The following CPZ variants were observed in gnomAD, a reference collection of about 807,000 sequenced individuals.
The protein encoded by CPZ is VEZT/CPZ fusion.
In CPZ, 103 loss-of-function variants were observed where a neutral mutation model predicts 61.8. The observed-to-expected ratio is 1.67, with a 90% confidence interval of 1.42 to 1.96. The LOEUF (loss-of-function observed/expected upper bound fraction) is 1.96, where lower values mean the gene tolerates loss of function less well. Ranked by LOEUF, CPZ falls within the 30% of genes most tolerant of loss-of-function variation. The pLI, the probability that CPZ is intolerant of heterozygous loss-of-function variation, is 0.00. For synonymous variants in CPZ, 551 were observed against 373.7 expected (o/e 1.47, Z -5.47); for missense variants, 1,461 against 914.9 (o/e 1.60, Z -7.70).
chr4:8,616,995 GCA>G (rs996210734), intron 9 of CPZ, among the ~76,000 whole-genome samples: 2 of 152,164 alleles, frequency 1.3e-5, no homozygotes, highest in African/African-American at 2.4e-5. Context: ...GATCCCTGTG[GCA>G]CAGAGATAAG....
chr4:8,605,478 C>T (rs1002287560), intron 4 of CPZ, among the ~76,000 whole-genome samples: 1 of 151,872 alleles, frequency 6.6e-6, no homozygotes, highest in Admixed American at 6.6e-5. Context: ...ATTCATGCAT[C>T]AATTTATCCA....
chr4:8,609,303 A>C (rs890765074), intron 7 of CPZ, among the ~76,000 whole-genome samples: 17 of 129,816 alleles, frequency 1.3e-4, no homozygotes, highest in South Asian at 2.6e-4. Context: ...TCATTCATCC[A>C]TTCACTCATG....
Position 8,607,256 on chromosome 4 carries a change from G to C in CPZ, c.1069-11G>C. The C allele has an allele frequency of 6.2e-7, 1 of 1,613,836 alleles. No homozygotes were observed. The highest frequency in any genetic ancestry group is 8.5e-7 in the Non-Finnish European group (1 of 1,179,844). On this transcript the variant is annotated splice_polypyrimidine_tract_variant and intron_variant, in intron 6 of 10. Coordinates refer to ENST00000360986, the MANE Select transcript of CPZ (RefSeq NM_001014447.3). The stretch of plus-strand genomic sequence containing the variant: ...CCCAGCCCTGAGGGCGGCCTCGTCT[G>C]TCCTGGGCAGGTGGCCCCGGAGACA...
chr4:8,618,094 CAGGGAAGGA>C, intron 9 of CPZ: 1 of 319,498 alleles, frequency 3.1e-6, no homozygotes, highest in South Asian at 3.3e-5. Flanking sequence ...GCTGGGAAGG[CAGGGAAGGA>C]ATGCCGATCA....
intron 1 of CPZ, among the ~76,000 whole-genome samples, chr4:8,593,220 G>T (rs943213373): frequency 1.3e-5 from 2 of 152,216 alleles, no homozygotes; most frequent in Non-Finnish European, 2.9e-5. Context: ...AGCAGCAGGG[G>T]CGCCCTGCAG....
In CPZ at chr4:8,601,215, G is replaced by A. The variant is rs1349624583; in HGVS notation, c.214G>A (p.Val72Met). 2.5e-6 allele frequency: 4 copies of A among 1,613,280 alleles called. No individual in the cohort carries two copies. In the African/African-American group the frequency reaches 4.0e-5, roughly 16 times the overall value. ...CCTGCTTCAGCACCGGTCGTGGGAG[G>A]TGGTGGAGGCCAGCTCCGAGTACAT... ...PNLLQHRSWE[V>M]VEASSEYILL... Residue 72 changes from valine to methionine, a missense_variant, in exon 3 of 11, where the codon GTG becomes ATG. Coordinates refer to ENST00000360986, the MANE Select transcript of CPZ (RefSeq NM_001014447.3).
chr4:8,592,888 C>G lies in CPZ; in HGVS notation c.55C>G (p.Arg19Gly). ...TACAGTCCTGGTCGTCGCCGCTGCC[C>G]GGCCGGGGTGCGAGTTTGAGCGGAA... ...LLTVLVVAAA[R>G]PGCEFERNPA... Residue 19 changes from arginine to glycine, a missense_variant, in exon 1 of 11, where the codon CGG becomes GGG. By Grantham distance (125) the Arg-to-Gly change is moderately radical. Coordinates refer to ENST00000360986, the MANE Select transcript of CPZ (RefSeq NM_001014447.3). 6.5e-7 allele frequency: 1 copy of G among 1,534,572 alleles called. No homozygotes were observed. Among genetic ancestry groups the G allele is most frequent in the Non-Finnish European group, 8.7e-7 (1 of 1,144,100 alleles).
chr4:8,607,193 G>A (rs1276544401), intron 6 of CPZ, 74 bp from the exon 7 acceptor site: 3 of 1,519,334 alleles, frequency 2.0e-6, no homozygotes, highest in East Asian at 2.3e-5. Context: ...CCAGAGGGCT[G>A]CTGAAGCCCA....
chr4:8,607,262 G>T lies in CPZ; in HGVS notation c.1069-5G>T. ...CCTGAGGGCGGCCTCGTCTGTCCTG[G>T]GCAGGTGGCCCCGGAGACAAAGGCA... On this transcript the variant is annotated splice_polypyrimidine_tract_variant and splice_region_variant and intron_variant, in intron 6 of 10. Transcript: ENST00000360986. 6.2e-7 allele frequency: 1 copy of T among 1,613,926 alleles called. No individual in the cohort carries two copies. The highest frequency in any genetic ancestry group is 1.3e-5 in the African/African-American group (1 of 75,028).
intron 8 of CPZ, among the ~76,000 whole-genome samples, chr4:8,613,083 G>A (rs896904516): frequency 2.0e-5 from 3 of 151,700 alleles, no homozygotes; most frequent in African/African-American, 7.3e-5. Context: ...TGTGACTGGG[G>A]TCTGCAACAG....
Position 8,619,487 on chromosome 4 carries a change from T to A in CPZ, c.1829T>A (p.Leu610Ter). 1 of 1,608,304 alleles carries A rather than the reference T, an allele frequency of 6.2e-7. No individual in the cohort carries two copies. The highest frequency in any genetic ancestry group is 8.5e-7 in the Non-Finnish European group (1 of 1,176,278). Residue 610 changes from leucine to a stop codon, truncating the protein, a stop_gained, in exon 11 of 11, where the codon TTG becomes TAG. Transcript: ENST00000360986. LOFTEE classifies it low-confidence loss of function (END_TRUNC). ...GACCCACTGGGAGGTGCCAGCTCTT[T>A]GGGGGAGGCCACGGAGCCCGACCCG... Reference protein sequence around the residue: ...PHDPLGGASSLGEATEPDPLR... With the variant: ...PHDPLGGASS
intron 1 of CPZ, among the ~76,000 whole-genome samples, chr4:8,598,121 C>A (rs893300868): frequency 6.6e-6 from 1 of 152,238 alleles, no homozygotes; most frequent in African/African-American, 2.4e-5. Flanking sequence ...CTTTTGTCAT[C>A]TGTGATGAGG....
chr4:8,614,273 T>C (rs1715967041), intron 8 of CPZ, 86 bp from the exon 9 acceptor site: 1 of 1,469,106 alleles, frequency 6.8e-7, no homozygotes, highest in Admixed American at 2.0e-5. Context: ...GCGTCCCGGC[T>C]GTCTCTGTGC....
rs1465408933 is a variant in CPZ, at chr4:8,601,499, T to A, written c.496+2T>A. 8.9e-6 allele frequency: 13 copies of A among 1,463,502 alleles called. No individual in the cohort carries two copies. Among genetic ancestry groups the A allele is most frequent in the African/African-American group, 1.4e-5 (1 of 71,108 alleles). The allele number at this position is 1,463,502 out of a possible 1,614,324, so 90.7% of individuals were successfully genotyped here. On this transcript the variant is annotated splice_donor_variant, in intron 3 of 10. Coordinates refer to ENST00000360986, the MANE Select transcript of CPZ (RefSeq NM_001014447.3). LOFTEE classifies it high-confidence loss of function. ...ATGACCCGCTGGAGAAGCTTCGGGG[T>A]AAGGGAAAGTGGCGGGGGCCTGTGT... is the stretch of plus-strand genomic sequence containing the variant.
At chr4:8,596,923 G>A (rs939014285) in intron 1 of CPZ, among the ~76,000 whole-genome samples, 4 of 152,152 alleles carry the variant, frequency 2.6e-5, no homozygotes, top group Admixed American at 6.5e-5. Context: ...TCTTCCAGTC[G>A]CTCATGTCTG....
chr4:8,612,579 C>T (rs140075879), intron 8 of CPZ, among the ~76,000 whole-genome samples: 7 of 152,282 alleles, frequency 4.6e-5, no homozygotes, highest in Non-Finnish European at 7.4e-5. Context: ...TACAAGAACC[C>T]GCATGGGGTG....
intron 3 of CPZ, 111 bp downstream of exon 3, chr4:8,601,608 A>G: frequency 8.4e-7 from 1 of 1,194,940 alleles, no homozygotes; most frequent in Non-Finnish European, 1.1e-6. Context: ...GTGACGGTGC[A>G]GGCATTGGTA....
intron 1 of CPZ, among the ~76,000 whole-genome samples, chr4:8,595,509 G>T (rs1453885433): frequency 6.6e-6 from 1 of 152,196 alleles, no homozygotes; most frequent in East Asian, 1.9e-4. Context: ...TGTGGTAAGG[G>T]GCAAAACCAG....
At chr4:8,616,129 T>C (rs1379754131) in intron 9 of CPZ, among the ~76,000 whole-genome samples, 1 of 152,214 alleles carries the variant, frequency 6.6e-6, no homozygotes, top group East Asian at 1.9e-4. Flanking sequence ...CTTGGAAGGC[T>C]GGGCAGCTCG....
Sources: gnomAD v4.1 joint callset for allele counts (sites outside exome capture counted in the v4.1 genomes callset) on GRCh38, gnomAD v4.1.1 for gene constraint, MANE v1.5 for transcripts, NCBI Gene and HGNC (gene_info 2026-07-23, HGNC 2026-07-21) for gene names.